IGF1: variants seen among roughly 807,000 people sequenced by gnomAD.
IGF1 encodes insulin like growth factor 1, also known as insulin-like growth factor 1.
In IGF1, 4 loss-of-function variants were observed where a neutral mutation model predicts 13.8. The ratio of observed to expected loss-of-function variants is 0.29; its 90% confidence interval spans 0.14 to 0.66. IGF1 has a LOEUF of 0.66. Among genes scored for constraint, IGF1 ranks in the 30% least tolerant of loss-of-function variants. IGF1 has a pLI of 0.78. For missense variants in IGF1, 124 were observed against 188.5 expected, an observed-to-expected ratio of 0.66 and a Z score of 2.00; for synonymous variants, 76 against 72.6, an observed-to-expected ratio of 1.05 and a Z score of -0.23.
chr12:102,426,083 T>C (rs879819646), intron 2 of IGF1, among the ~76,000 whole-genome samples: 9 of 152,228 alleles, frequency 5.9e-5, no homozygotes, highest in Non-Finnish European at 1.3e-4. Context: ...GTTTGTATTA[T>C]TTAGAACATA....
intron 2 of IGF1, among the ~76,000 whole-genome samples, chr12:102,468,358 AG>A (rs1334944771): frequency 9.8e-5 from 15 of 152,370 alleles, no homozygotes; most frequent in African/African-American, 3.6e-4. Flanking sequence ...AGTTGCAGAA[AG>A]CAATATGCCA....
chr12:102,398,976 A>G lies in IGF1; in HGVS notation c.*3531T>C, dbSNP rs1873453707. 6.6e-6 allele frequency: 1 copy of G among 152,576 alleles called. No homozygotes were observed. Among genetic ancestry groups the G allele is most frequent in the South Asian group, 2.1e-4 (1 of 4,826 alleles). 9.5% of individuals were successfully genotyped at this position (152,576 alleles called of 1,614,324 possible). ...CAGAGCATGAGATGGTTTCATCTAC[A>G]CAAACATTGACGTTCCAAGGAGAGG... On this transcript the variant is annotated 3_prime_UTR_variant, in exon 4 of 4. Coordinates refer to ENST00000337514, the MANE Select transcript of IGF1 (RefSeq NM_000618.5).
At chr12:102,481,054 C>T (rs911327678), upstream of IGF1, among the ~76,000 whole-genome samples, 3 of 152,156 alleles carry the variant, frequency 2.0e-5, no homozygotes, top group African/African-American at 4.8e-5. Context: ...AGACAGCACT[C>T]GGGTGACCCC....
chr12:102,434,440 G>A (rs979265632), intron 2 of IGF1, among the ~76,000 whole-genome samples: 4 of 150,602 alleles, frequency 2.7e-5, no homozygotes, highest in African/African-American at 9.8e-5. Flanking sequence ...GAGAATGATG[G>A]TTTCCAATTT....
chr12:102,464,615 C>G (rs955097527), intron 2 of IGF1, among the ~76,000 whole-genome samples: 1 of 151,748 alleles, frequency 6.6e-6, no homozygotes, highest in South Asian at 2.1e-4. Context: ...AGTGTTACAA[C>G]TGCATCAAAT....
chr12:102,481,300 G>C (rs1881376762), upstream of IGF1, among the ~76,000 whole-genome samples: 1 of 151,978 alleles, frequency 6.6e-6, no homozygotes, highest in Non-Finnish European at 1.5e-5. Context: ...GGGTACCTGG[G>C]GGGCAAACAA....
rs1000126883 is a variant in IGF1, at chr12:102,401,976, G to A, written c.*531C>T. ...CTTGACGACTTGCTGCTGCTTTTGA[G>A]GAGGCCAAATTCGGCAAATATAAAG... On this transcript the variant is annotated 3_prime_UTR_variant, in exon 4 of 4. Transcript: ENST00000337514. The A allele has an allele frequency of 2.0e-5, 3 of 152,666 alleles. No individual in the cohort carries two copies. Among genetic ancestry groups the A allele is most frequent in the African/African-American group, 7.2e-5 (3 of 41,438 alleles). 9.5% of individuals were successfully genotyped at this position (152,666 alleles called of 1,614,324 possible).
chr12:102,405,653 C>T (rs1874093728), intron 3 of IGF1, among the ~76,000 whole-genome samples: 1 of 152,156 alleles, frequency 6.6e-6, no homozygotes, highest in African/African-American at 2.4e-5. Context: ...GTTTAAGAGG[C>T]ATACCAGCTC....
intron 2 of IGF1, among the ~76,000 whole-genome samples, chr12:102,452,300 A>G (rs973525742): frequency 2.9e-5 from 4 of 138,882 alleles, no homozygotes; most frequent in African/African-American, 1.1e-4. Context: ...AGATATGTCT[A>G]CTTCTTCTGC....
At chr12:102,418,122 G>C (rs1032301369) in intron 3 of IGF1, 11 of 1,055,468 alleles carry the variant, frequency 1.0e-5, no homozygotes, top group Non-Finnish European at 6.7e-6. Flanking sequence ...TGCTGGAGAG[G>C]GGTCTAGACC....
At chr12:102,432,087 T>A (rs1390882129) in intron 2 of IGF1, among the ~76,000 whole-genome samples, 1 of 152,240 alleles carries the variant, frequency 6.6e-6, no homozygotes, top group Admixed American at 6.5e-5. Flanking sequence ...TTTTCAAAAT[T>A]GTTTCTGTTT....
chr12:102,455,272 A>G (rs533137284), intron 2 of IGF1, among the ~76,000 whole-genome samples: 3 of 152,376 alleles, frequency 2.0e-5, no homozygotes, highest in South Asian at 4.1e-4. Context: ...TGACATTGCT[A>G]TGGCTGCAAG....
chr12:102,435,742 C>T (rs1358138184), intron 2 of IGF1, among the ~76,000 whole-genome samples: 1 of 152,052 alleles, frequency 6.6e-6, no homozygotes, highest in Non-Finnish European at 1.5e-5. Flanking sequence ...CAGGTAGTGC[C>T]CAAGATAACT....
intron 2 of IGF1, among the ~76,000 whole-genome samples, chr12:102,446,573 C>T (rs535021647): frequency 2.2e-4 from 33 of 152,118 alleles, no homozygotes; most frequent in African/African-American, 7.5e-4. Flanking sequence ...GGTGATACCC[C>T]CTTTATCATT....
At position 102,398,070 on chromosome 12, in the gene IGF1, TAAAG is replaced by T. The variant is rs1873363631; in HGVS notation, c.*4433_*4436del. On this transcript the variant is annotated 3_prime_UTR_variant, in exon 4 of 4. Coordinates refer to ENST00000337514, the MANE Select transcript of IGF1 (RefSeq NM_000618.5). The stretch of plus-strand genomic sequence containing the variant: ...GTCATTTTGAACATTAAGAAATTCA[TAAAG>T]ACTGTATAAAGTAAAAAAAAAAAAA... 1 of 124,838 alleles carries T rather than the reference TAAAG, an allele frequency of 8.0e-6. No homozygotes were observed. The highest frequency in any genetic ancestry group is 1.7e-5 in the Non-Finnish European group (1 of 57,342). 7.7% of individuals were successfully genotyped at this position (124,838 alleles called of 1,614,324 possible).
At chr12:102,418,608 C>G (rs1875379547) in intron 3 of IGF1, among the ~76,000 whole-genome samples, 1 of 152,196 alleles carries the variant, frequency 6.6e-6, no homozygotes, top group Non-Finnish European at 1.5e-5. Flanking sequence ...CTATTTCTTC[C>G]CTTACTCAAC....
chr12:102,463,696 T>C (rs1370121547), intron 2 of IGF1, among the ~76,000 whole-genome samples: 2 of 152,212 alleles, frequency 1.3e-5, no homozygotes, highest in Non-Finnish European at 2.9e-5. Flanking sequence ...CAGAAGAATA[T>C]GACATAGCAG....
intron 3 of IGF1, among the ~76,000 whole-genome samples, chr12:102,411,619 A>T (rs1015090610): frequency 6.6e-6 from 1 of 152,174 alleles, no homozygotes; most frequent in Non-Finnish European, 1.5e-5. Flanking sequence ...GAGTTATTTT[A>T]TGAGACAAGA....
chr12:102,415,350 G>A (rs1274854839), intron 3 of IGF1, among the ~76,000 whole-genome samples: 1 of 151,562 alleles, frequency 6.6e-6, no homozygotes, highest in African/African-American at 2.4e-5. Flanking sequence ...TATTGATACT[G>A]GAAAGAAGGA....
Sources: gnomAD v4.1 joint callset for allele counts (sites outside exome capture counted in the v4.1 genomes callset) on GRCh38, gnomAD v4.1.1 for gene constraint, MANE v1.5 for transcripts, NCBI Gene and HGNC (gene_info 2026-07-23, HGNC 2026-07-21) for gene names.